EXOC6: variants seen among roughly 807,000 people sequenced by gnomAD.
EXOC6 encodes the protein exocyst complex component 6, also known as SEC15-like 1.
Under a neutral mutation model 112.5 loss-of-function variants are expected in EXOC6, and 60 were observed. The ratio of observed to expected loss-of-function variants is 0.53; its 90% CI spans 0.43 to 0.66. The LOEUF (loss-of-function observed/expected upper bound fraction) is 0.66, where lower values mean the gene tolerates loss of function less well. Among genes scored for constraint, EXOC6 ranks in the 30% least tolerant of loss-of-function variants. The probability of loss-of-function intolerance (pLI) is 0.00; values close to 1 mark genes in which losing one functional copy is unlikely to be tolerated. For synonymous variants in EXOC6, 295 were observed against 308.0 expected (o/e 0.96, Z 0.44); for missense variants, 855 against 957.1 (o/e 0.89, Z 1.41).
rs1362618716 is a variant in EXOC6 at position 92,910,789 on chromosome 10, C to T, written c.663+1158C>T. On this transcript the variant is annotated intron_variant, in intron 6 of 21. Transcript: ENST00000260762. Reference sequence around the variant, plus strand: ...CTAAAAATACAAAAAATTAGCCAGGCATGGTGGCGGGCACCTGTAGTCCCA... The same window carrying T: ...CTAAAAATACAAAAAATTAGCCAGGTATGGTGGCGGGCACCTGTAGTCCCA... 3.9e-5 allele frequency among the ~76,000 whole-genome samples: 6 copies of T among 152,170 alleles called. No homozygotes were observed. The East Asian group carries it at 1.2e-3, about 30-fold the overall frequency.
intron 16 of EXOC6, among the ~76,000 whole-genome samples, chr10:92,955,261 T>C (rs1853628643): frequency 6.6e-6 from 1 of 152,254 alleles, no homozygotes; most frequent in East Asian, 1.9e-4. Context: ...GATTTCTGAT[T>C]GCCAGACTAC....
At chr10:93,038,229 C>G (rs1017401273) in intron 20 of EXOC6, among the ~76,000 whole-genome samples, 1 of 151,856 alleles carries the variant, frequency 6.6e-6, no homozygotes, top group African/African-American at 2.4e-5. Flanking sequence ...ATTATAACCA[C>G]AATTCCTATT....
At chr10:92,973,993 G>T in intron 17 of EXOC6, 60 bp from the exon 18 acceptor site, 17 of 1,289,902 alleles carry the variant, frequency 1.3e-5, no homozygotes, top group Non-Finnish European at 1.8e-5. Context: ...ATCTAGAATT[G>T]TAAGAACACT....
chr10:93,010,466 G>A (rs1564908004), intron 19 of EXOC6, among the ~76,000 whole-genome samples: 1 of 152,160 alleles, frequency 6.6e-6, no homozygotes, highest in Non-Finnish European at 1.5e-5. Context: ...CACTTTGGGA[G>A]ACCGAGGCAG....
intron 20 of EXOC6, among the ~76,000 whole-genome samples, chr10:93,029,918 T>G (rs1440600975): frequency 6.6e-6 from 1 of 151,762 alleles, no homozygotes; most frequent in South Asian, 2.1e-4. Flanking sequence ...TTTCTTTTTT[T>G]TTTTTTTGAG....
intron 1 of EXOC6, among the ~76,000 whole-genome samples, chr10:92,883,305 A>G (rs1215113792): frequency 2.0e-5 from 3 of 152,168 alleles, no homozygotes; most frequent in Admixed American, 6.5e-5. Flanking sequence ...GCTTTTGGTA[A>G]TTTCTATTGT....
chr10:93,004,985 G>T (rs1843910585), intron 19 of EXOC6, among the ~76,000 whole-genome samples: 1 of 151,376 alleles, frequency 6.6e-6, no homozygotes. Flanking sequence ...GTGGGGCTTT[G>T]AAGTCATATA....
Position 92,899,594 on chromosome 10 carries a change from T to C in EXOC6, c.413-5T>C. The C allele has an allele frequency of 6.3e-7, 1 of 1,579,374 alleles. No homozygotes were observed. Among genetic ancestry groups the C allele is most frequent in the African/African-American group, 1.4e-5 (1 of 73,618 alleles). ...AAAGCTAAAATGTTATATTTTTTAATGCAGTGCTAGAAATGTACAGTAAGC... is the reference window on the plus strand; with the variant it reads ...AAAGCTAAAATGTTATATTTTTTAACGCAGTGCTAGAAATGTACAGTAAGC... On this transcript the variant is annotated splice_polypyrimidine_tract_variant and splice_region_variant and intron_variant, in intron 4 of 21. Coordinates refer to ENST00000260762, the MANE Select transcript of EXOC6 (RefSeq NM_019053.6).
intron 20 of EXOC6, among the ~76,000 whole-genome samples, chr10:93,034,562 G>T (rs11187247): frequency 0.087 from 13,303 of 152,242 alleles, 633 homozygotes; most frequent in Admixed American, 0.15. Context: ...AAAGGGACAT[G>T]AACAAGCTTT....
intron 5 of EXOC6, among the ~76,000 whole-genome samples, chr10:92,902,544 C>T (rs1850234860): frequency 6.6e-6 from 1 of 151,458 alleles, no homozygotes; most frequent in South Asian, 2.1e-4. Flanking sequence ...CAGGTAGCCT[C>T]TTGTGTTTGC....
At chr10:93,055,177 C>T (rs1414447034) in intron 20 of EXOC6, among the ~76,000 whole-genome samples, 2 of 152,146 alleles carry the variant, frequency 1.3e-5, no homozygotes, top group Non-Finnish European at 2.9e-5. Flanking sequence ...TGCAAATTTT[C>T]TTCCAGTCTT....
chr10:92,928,092 G>GTAT (rs1364787480), intron 8 of EXOC6, among the ~76,000 whole-genome samples: 1 of 152,140 alleles, frequency 6.6e-6, no homozygotes, highest in Non-Finnish European at 1.5e-5. Context: ...TAAAGCCTAA[G>GTAT]TAATAAGTTT....
chr10:92,866,062 C>T (rs1848159748), intron 1 of EXOC6, among the ~76,000 whole-genome samples: 1 of 152,008 alleles, frequency 6.6e-6, no homozygotes, highest in South Asian at 2.1e-4. Flanking sequence ...AGTGAATCTG[C>T]ATAGTTCAAA....
chr10:92,966,281 A>AATTATAATTATT (rs1554905066), intron 17 of EXOC6, among the ~76,000 whole-genome samples: 5 of 134,954 alleles, frequency 3.7e-5, no homozygotes, highest in African/African-American at 8.9e-5. Context: ...ATGTAATTAT[A>AATTATAATTATT]ATTATTATTA....
chr10:92,874,267 A>G (rs1022609548), intron 1 of EXOC6, among the ~76,000 whole-genome samples: 3 of 152,158 alleles, frequency 2.0e-5, no homozygotes, highest in Admixed American at 2.0e-4. Flanking sequence ...GAAAAAACTA[A>G]AAGTGTGTAA....
chr10:92,970,870 C>T, intron 17 of EXOC6, among the ~76,000 whole-genome samples: 1 of 152,100 alleles, frequency 6.6e-6, no homozygotes, highest in East Asian at 1.9e-4. Flanking sequence ...GGAGAGGGAG[C>T]CAAAGAAGTG....
At chr10:92,886,942 G>A (rs960281940) in intron 1 of EXOC6, among the ~76,000 whole-genome samples, 1 of 152,124 alleles carries the variant, frequency 6.6e-6, no homozygotes, top group Non-Finnish European at 1.5e-5. Flanking sequence ...TACATAATAA[G>A]TACTTGGTTG....
intron 13 of EXOC6, among the ~76,000 whole-genome samples, chr10:92,942,832 C>T (rs538278800): frequency 1.3e-5 from 2 of 152,076 alleles, no homozygotes; most frequent in Non-Finnish European, 2.9e-5. Flanking sequence ...TTCCTCAAGA[C>T]TGGGGAAACC....
intron 20 of EXOC6, among the ~76,000 whole-genome samples, chr10:93,046,034 A>G (rs985624813): frequency 1.3e-5 from 2 of 152,370 alleles, no homozygotes; most frequent in South Asian, 2.1e-4. Context: ...AAATGATAAC[A>G]TAGCCCTATT....
Sources: gnomAD v4.1 joint callset for allele counts (sites outside exome capture counted in the v4.1 genomes callset) on GRCh38, gnomAD v4.1.1 for gene constraint, MANE v1.5 for transcripts, NCBI Gene and HGNC (gene_info 2026-07-23, HGNC 2026-07-21) for gene names.